ZDHHC21: variants seen among roughly 807,000 people sequenced by gnomAD.
ZDHHC21 encodes the protein zDHHC palmitoyltransferase 21.
A neutral mutation model predicts 34.6 loss-of-function variants in ZDHHC21; 15 were observed. That is an observed-to-expected ratio of 0.43 (90% CI 0.29 to 0.67). The LOEUF is 0.67. Ranked by LOEUF, ZDHHC21 falls within the 30% of genes least tolerant of loss-of-function variation. ZDHHC21 has a pLI of 0.14. For synonymous variants in ZDHHC21, 142 were observed against 101.8 expected (o/e 1.40, Z -2.38); for missense variants, 344 against 327.7 (o/e 1.05, Z -0.38).
chr9:14,603,222 A>G, the ZDHHC21 span, among the ~76,000 whole-genome samples: 1 of 152,186 alleles, frequency 6.6e-6, no homozygotes, highest in Non-Finnish European at 1.5e-5. Flanking sequence ...AACTTTAAAA[A>G]TGGAAGACAG....
At chr9:14,632,342 T>C (rs777643324) in intron 8 of ZDHHC21, among the ~76,000 whole-genome samples, 1 of 152,122 alleles carries the variant, frequency 6.6e-6, no homozygotes, top group Non-Finnish European at 1.5e-5. Context: ...GACTATTCAA[T>C]GGTGGAAAGA....
chr9:14,639,147 A>G (rs1828844664), intron 8 of ZDHHC21, among the ~76,000 whole-genome samples: 1 of 152,158 alleles, frequency 6.6e-6, no homozygotes, highest in South Asian at 2.1e-4. Context: ...AAAATCTGGT[A>G]TATATACACA....
At chr9:14,590,397 T>C in the ZDHHC21 span, among the ~76,000 whole-genome samples, 3 of 151,876 alleles carry the variant, frequency 2.0e-5, no homozygotes, top group South Asian at 2.1e-4. Flanking sequence ...CTGATGAAAA[T>C]AATAGACTCA....
In ZDHHC21 at chr9:14,652,089, A is replaced by G. The variant is rs562807520; in HGVS notation, c.504+6660T>C. On this transcript the variant is annotated intron_variant, in intron 7 of 9. Coordinates refer to ENST00000380916, the MANE Select transcript of ZDHHC21 (RefSeq NM_178566.6). ...TCTGAAAAACTTCTCCAAACATCTC[A>G]AAGTTTATAATCTTTATTGATTTAG... Among the ~76,000 whole-genome samples, 27 of 152,064 alleles carry G rather than the reference A, an allele frequency of 1.8e-4. No homozygotes were observed. In the South Asian group the frequency reaches 3.9e-3, roughly 22 times the overall value.
chr9:14,657,790 T>C (rs1055015786), intron 7 of ZDHHC21, among the ~76,000 whole-genome samples: 1 of 152,186 alleles, frequency 6.6e-6, no homozygotes, highest in Admixed American at 6.5e-5. Context: ...ACTCTACTTC[T>C]CTGTCGCTTA....
intron 5 of ZDHHC21, among the ~76,000 whole-genome samples, chr9:14,662,692 G>C (rs1833627224): frequency 6.6e-6 from 1 of 152,076 alleles, no homozygotes; most frequent in East Asian, 1.9e-4. Context: ...TAAACAAATT[G>C]ATTTCTAGAA....
At chr9:14,594,758 A>C in the ZDHHC21 span, among the ~76,000 whole-genome samples, 2 of 152,194 alleles carry the variant, frequency 1.3e-5, no homozygotes, top group African/African-American at 2.4e-5. Flanking sequence ...GACAAACCAC[A>C]AACTAAAAGA....
the ZDHHC21 span, chr9:14,589,286 G>A: frequency 6.6e-6 from 1 of 152,130 alleles, no homozygotes; most frequent in Admixed American, 6.6e-5. Flanking sequence ...TAACAAGAAA[G>A]AATTGGAGAA....
At position 14,616,082 on chromosome 9, in the gene ZDHHC21, A is replaced by G. The variant is rs2133391824; in HGVS notation, c.*2884T>C. ...AATCATTAATCTCTTAGTTATTTTA[A>G]GGCAATAGAGCCAGTAAAAAAATCA... On this transcript the variant is annotated 3_prime_UTR_variant, in exon 10 of 10. Transcript: ENST00000380916. 6.6e-6 allele frequency: 1 copy of G among 151,922 alleles called. No individual in the cohort carries two copies. Among genetic ancestry groups the G allele is most frequent in the Admixed American group, 6.6e-5 (1 of 15,220 alleles). The allele number at this position is 151,922 out of a possible 1,614,324, so 9.4% of individuals were successfully genotyped here.
chr9:14,589,118 G>A, the ZDHHC21 span: 1 of 152,130 alleles, frequency 6.6e-6, no homozygotes, highest in Non-Finnish European at 1.5e-5. Context: ...AAAGCACTGG[G>A]GTAGGGGTCA....
intron 8 of ZDHHC21, among the ~76,000 whole-genome samples, chr9:14,635,175 G>A (rs1351991681): frequency 2.0e-5 from 3 of 152,252 alleles, no homozygotes; most frequent in East Asian, 3.9e-4. Flanking sequence ...AAGACTACAT[G>A]ACATATTGAA....
intron 6 of ZDHHC21, among the ~76,000 whole-genome samples, chr9:14,661,928 T>C (rs1002417354): frequency 6.6e-6 from 1 of 152,240 alleles, no homozygotes; most frequent in Non-Finnish European, 1.5e-5. Flanking sequence ...AAATGTTTTA[T>C]ATACATTGCC....
chr9:14,630,724 G>C (rs1172073156), intron 8 of ZDHHC21, among the ~76,000 whole-genome samples: 2 of 152,212 alleles, frequency 1.3e-5, no homozygotes, highest in Admixed American at 6.5e-5. Context: ...AAGGGGTGTA[G>C]CAGGCATGAA....
intron 7 of ZDHHC21, among the ~76,000 whole-genome samples, chr9:14,651,535 C>G (rs1029767769): frequency 1.3e-5 from 2 of 151,810 alleles, no homozygotes; most frequent in Admixed American, 6.6e-5. Flanking sequence ...TACTATTTAT[C>G]CCTTCAGAAA....
At chr9:14,682,758 T>C (rs553420515) in intron 2 of ZDHHC21, among the ~76,000 whole-genome samples, 18 of 152,226 alleles carry the variant, frequency 1.2e-4, no homozygotes, top group African/African-American at 4.3e-4. Flanking sequence ...CACATCGCAT[T>C]TACTCCAAAA....
chr9:14,660,553 C>T (rs1833200911), intron 6 of ZDHHC21, among the ~76,000 whole-genome samples: 1 of 152,038 alleles, frequency 6.6e-6, no homozygotes, highest in African/African-American at 2.4e-5. Context: ...GCTCTCTGAA[C>T]ATTTCAGCAG....
intron 7 of ZDHHC21, among the ~76,000 whole-genome samples, chr9:14,653,657 G>A (rs1831651138): frequency 6.6e-6 from 1 of 151,698 alleles, no homozygotes; most frequent in Admixed American, 6.6e-5. Context: ...CTACTCTACA[G>A]CACTTCTCAG....
intron 7 of ZDHHC21, among the ~76,000 whole-genome samples, chr9:14,647,408 T>G (rs953925048): frequency 3.3e-5 from 5 of 152,142 alleles, no homozygotes; most frequent in Non-Finnish European, 5.9e-5. Flanking sequence ...CTAATCTCAA[T>G]TCAAATTCTA....
At chr9:14,685,137 G>T (rs1838082555) in intron 2 of ZDHHC21, among the ~76,000 whole-genome samples, 1 of 151,738 alleles carries the variant, frequency 6.6e-6, no homozygotes, top group Non-Finnish European at 1.5e-5. Context: ...CAGGACATAG[G>T]CATGGGCAAG....
Sources: gnomAD v4.1 joint callset for allele counts (sites outside exome capture counted in the v4.1 genomes callset) on GRCh38, gnomAD v4.1.1 for gene constraint, MANE v1.5 for transcripts, NCBI Gene and HGNC (gene_info 2026-07-23, HGNC 2026-07-21) for gene names.